CDH13: variants seen among roughly 807,000 people sequenced by gnomAD.
The protein encoded by CDH13 is cadherin-13.
A neutral mutation model predicts 63.8 loss-of-function variants in CDH13; 24 were observed. The ratio of observed to expected loss-of-function variants is 0.38; its 90% CI spans 0.27 to 0.53. The LOEUF (loss-of-function observed/expected upper bound fraction) is 0.53. Ranked by LOEUF, CDH13 falls within the 20% of genes least tolerant of loss-of-function variation. The pLI is 0.85. For missense variants in CDH13, 1,049 were observed against 903.1 expected (o/e 1.16, Z -2.07); for synonymous variants, 503 against 355.3 (o/e 1.42, Z -4.67).
At position 83,305,272 on chromosome 16, in the gene CDH13, A is replaced by G. The variant is rs112090956; in HGVS notation, c.637-39590A>G. ...CTTCACTTTACTTAAGCATGGTTCAATCAGAAGCAGGGGAGTGAGGAAATT... is the reference window on the plus strand; with the variant it reads ...CTTCACTTTACTTAAGCATGGTTCAGTCAGAAGCAGGGGAGTGAGGAAATT... On this transcript the variant is annotated intron_variant, in intron 5 of 13. Coordinates refer to ENST00000567109, the MANE Select transcript of CDH13 (RefSeq NM_001257.5). 5.9e-5 allele frequency among the ~76,000 whole-genome samples: 9 copies of G among 152,324 alleles called. 1 individual carries two copies. The highest frequency in any genetic ancestry group is 3.9e-4 in the East Asian group (2 of 5,164).
chr16:82,869,039 T>C (rs940534737), intron 2 of CDH13, among the ~76,000 whole-genome samples: 1 of 152,146 alleles, frequency 6.6e-6, no homozygotes, highest in African/African-American at 2.4e-5. Context: ...AACTGCTACA[T>C]TGTGTAATTA....
intron 8 of CDH13, among the ~76,000 whole-genome samples, chr16:83,651,050 A>T (rs999385181): frequency 6.6e-6 from 1 of 152,042 alleles, no homozygotes; most frequent in South Asian, 2.1e-4. Flanking sequence ...GCAGTGAGCC[A>T]TCATCACGCA....
intron 4 of CDH13, among the ~76,000 whole-genome samples, chr16:83,147,678 C>A (rs1399686128): frequency 1.3e-5 from 2 of 152,114 alleles, no homozygotes; most frequent in African/African-American, 4.8e-5. Flanking sequence ...AGGGACAACT[C>A]ATTCCTTTGC....
chr16:82,933,841 A>C (rs1468169369), intron 2 of CDH13, among the ~76,000 whole-genome samples: 1 of 152,158 alleles, frequency 6.6e-6, no homozygotes, highest in Non-Finnish European at 1.5e-5. Flanking sequence ...ATCTCCTTTG[A>C]CTCTGTGTCT....
intron 7 of CDH13, among the ~76,000 whole-genome samples, chr16:83,566,062 A>G (rs750621408): frequency 6.6e-6 from 1 of 152,208 alleles, no homozygotes. Context: ...AACTGTGTTC[A>G]TCCGTCTCTT....
At chr16:83,301,538 G>A (rs930889334) in intron 5 of CDH13, among the ~76,000 whole-genome samples, 1 of 152,134 alleles carries the variant, frequency 6.6e-6, no homozygotes, top group Non-Finnish European at 1.5e-5. Flanking sequence ...GGTCTCGTGG[G>A]GAGGGAGCAG....
At chr16:83,031,883 A>G in intron 2 of CDH13, 127 bp from the exon 3 acceptor site, 1 of 731,418 alleles carries the variant, frequency 1.4e-6, no homozygotes, top group Non-Finnish European at 2.3e-6. Context: ...TGTGGGATAA[A>G]ACGTAACATT....
chr16:83,406,705 A>G (rs1229004824), intron 6 of CDH13, among the ~76,000 whole-genome samples: 1 of 152,088 alleles, frequency 6.6e-6, no homozygotes, highest in Middle Eastern at 3.2e-3. Context: ...ACCTCAGGTG[A>G]TCCACCCGCC....
intron 2 of CDH13, among the ~76,000 whole-genome samples, chr16:82,888,574 G>A (rs1597146358): frequency 1.3e-5 from 2 of 152,184 alleles, no homozygotes; most frequent in African/African-American, 4.8e-5. Flanking sequence ...TCCAGGAACT[G>A]TTCTCAGCCA....
chr16:82,885,798 A>G (rs796927426), intron 2 of CDH13, among the ~76,000 whole-genome samples: 13 of 152,220 alleles, frequency 8.5e-5, no homozygotes, highest in African/African-American at 2.9e-4. Context: ...TTATGCTTCT[A>G]TGGCCTTTTC....
chr16:82,692,803 C>G (rs1253434082), intron 1 of CDH13, among the ~76,000 whole-genome samples: 1 of 34,814 alleles, frequency 2.9e-5, no homozygotes, highest in African/African-American at 8.2e-5. Flanking sequence ...TGGGAGGAGA[C>G]CTGCACAGGC....
intron 1 of CDH13, among the ~76,000 whole-genome samples, chr16:82,691,517 C>G (rs1915645671): frequency 6.6e-6 from 1 of 152,200 alleles, no homozygotes; most frequent in Non-Finnish European, 1.5e-5. Context: ...TTAATGCACC[C>G]TTTACTGACA....
intron 5 of CDH13, among the ~76,000 whole-genome samples, chr16:83,234,769 A>G (rs1194580413): frequency 6.6e-6 from 1 of 152,190 alleles, no homozygotes; most frequent in African/African-American, 2.4e-5. Context: ...GTTTTTGTCC[A>G]CTTTGCATGT....
At chr16:83,225,762 T>C (rs1051793703) in intron 5 of CDH13, among the ~76,000 whole-genome samples, 2 of 152,232 alleles carry the variant, frequency 1.3e-5, no homozygotes, top group Non-Finnish European at 2.9e-5. Flanking sequence ...GGTGTCAGTA[T>C]GTTTATAAAA....
intron 7 of CDH13, among the ~76,000 whole-genome samples, chr16:83,519,508 C>T (rs2074779536): frequency 6.6e-6 from 1 of 152,204 alleles, no homozygotes; most frequent in Non-Finnish European, 1.5e-5. Flanking sequence ...AGCAAACTAA[C>T]AGAGGAAGAA....
At chr16:83,253,618 C>T (rs1323507041) in intron 5 of CDH13, among the ~76,000 whole-genome samples, 1 of 152,192 alleles carries the variant, frequency 6.6e-6, no homozygotes, top group Non-Finnish European at 1.5e-5. Context: ...CCTGGTTGCC[C>T]TCCAGGTGTC....
At chr16:83,785,519 TG>T (rs1915821899) in intron 13 of CDH13, among the ~76,000 whole-genome samples, 1 of 152,184 alleles carries the variant, frequency 6.6e-6, no homozygotes, top group Non-Finnish European at 1.5e-5. Context: ...GCAGATACCA[TG>T]AATTTATAGC....
intron 7 of CDH13, among the ~76,000 whole-genome samples, chr16:83,535,397 A>G (rs1374917182): frequency 6.6e-6 from 1 of 152,260 alleles, no homozygotes; most frequent in African/African-American, 2.4e-5. Flanking sequence ...GTAGATGGGC[A>G]AAGTAGAGGG....
chr16:83,097,624 A>C (rs1257031809), intron 3 of CDH13, among the ~76,000 whole-genome samples: 1 of 152,204 alleles, frequency 6.6e-6, no homozygotes, highest in Non-Finnish European at 1.5e-5. Context: ...TGGGATAGCC[A>C]AGGAAGGCAT....
Sources: allele counts gnomAD v4.1 joint callset (sites outside exome capture counted in the v4.1 genomes callset), GRCh38; gene constraint gnomAD v4.1.1; transcripts MANE v1.5; gene names NCBI Gene and HGNC (gene_info 2026-07-23, HGNC 2026-07-21).